Variants in SNTG2 observed in about 807,000 individuals in gnomAD.
SNTG2 encodes syntrophin gamma 2, also known as gamma-2-syntrophin.
In SNTG2, 74 loss-of-function variants were observed where a neutral mutation model predicts 70.9. The observed-to-expected ratio is 1.04, with a 90% CI of 0.86 to 1.27. The LOEUF (loss-of-function observed/expected upper bound fraction) is 1.27. Among genes scored for constraint, SNTG2 ranks in the 50% most tolerant of loss-of-function variants. The pLI, the probability that SNTG2 is intolerant of heterozygous loss-of-function variation, is 0.00. For synonymous variants in SNTG2, 278 were observed against 273.8 expected, an observed-to-expected ratio of 1.02 and a Z score of -0.15; for missense variants, 717 against 690.7, an observed-to-expected ratio of 1.04 and a Z score of -0.43.
At chr2:1,092,480 G>T (rs867645565) in intron 2 of SNTG2, among the ~76,000 whole-genome samples, 1 of 152,198 alleles carries the variant, frequency 6.6e-6, no homozygotes, top group Non-Finnish European at 1.5e-5. Context: ...CCTGGCTGGT[G>T]GCCATGGTAC....
intron 9 of SNTG2, among the ~76,000 whole-genome samples, chr2:1,229,957 C>G (rs563456536): frequency 1.3e-5 from 2 of 152,212 alleles, no homozygotes; most frequent in South Asian, 2.1e-4. Context: ...ACGCAGCCCC[C>G]GTTCCCGCTC....
Position 1,293,565 on chromosome 2 carries a change from G to A in SNTG2, c.1285-14929G>A, listed in dbSNP as rs115310786. Reference sequence around the variant, plus strand: ...TCTGGTGTGTTGTGTTTTTTATTTAGGTTATTTTCTAGCTTCCCTTGTGAT... The same window carrying A: ...TCTGGTGTGTTGTGTTTTTTATTTAAGTTATTTTCTAGCTTCCCTTGTGAT... On this transcript the variant is annotated intron_variant, in intron 14 of 16. Transcript: ENST00000308624. Among the ~76,000 whole-genome samples, 681 of 151,808 alleles carry A rather than the reference G, an allele frequency of 4.5e-3. 6 individuals carry two copies. The highest frequency in any genetic ancestry group is 0.015 in the African/African-American group (639 of 41,414).
At position 1,116,948 on chromosome 2, in the gene SNTG2, G is replaced by A. The variant is rs1307891106; in HGVS notation, c.325+18538G>A. On this transcript the variant is annotated intron_variant, in intron 4 of 16. Coordinates refer to ENST00000308624, the MANE Select transcript of SNTG2 (RefSeq NM_018968.4). Reference sequence around the variant, plus strand: ...TGCCCTGGCGTGTGGGTGCCCTGGCGTGTGGGTGCCTGGCGTGTGGGTGCT... The same window carrying A: ...TGCCCTGGCGTGTGGGTGCCCTGGCATGTGGGTGCCTGGCGTGTGGGTGCT... Among the ~76,000 whole-genome samples, 19 of 130,262 alleles carry A rather than the reference G, an allele frequency of 1.5e-4. 1 individual carries two copies. The highest frequency in any genetic ancestry group is 2.6e-4 in the South Asian group (1 of 3,780). The allele number at this position is 130,262 out of a possible 152,430, so 85.5% of individuals were successfully genotyped here.
intron 8 of SNTG2, among the ~76,000 whole-genome samples, chr2:1,193,589 C>T (rs944048675): frequency 2.0e-5 from 3 of 148,576 alleles, no homozygotes; most frequent in Non-Finnish European, 3.0e-5. Flanking sequence ...AATATATCTC[C>T]CCTGAATAAA....
intron 1 of SNTG2, among the ~76,000 whole-genome samples, chr2:1,026,775 T>G (rs912583218): frequency 3.3e-5 from 5 of 152,144 alleles, no homozygotes; most frequent in Admixed American, 6.5e-5. Context: ...TGCCATCCTC[T>G]CTCACTGGGT....
At chr2:974,981 A>G (rs762073653) in intron 1 of SNTG2, among the ~76,000 whole-genome samples, 6 of 152,182 alleles carry the variant, frequency 3.9e-5, no homozygotes, top group Non-Finnish European at 5.9e-5. Context: ...ACATTAGGTC[A>G]TTTGAAACAG....
chr2:1,012,702 G>A (rs1249827594), intron 1 of SNTG2, among the ~76,000 whole-genome samples: 2 of 116,452 alleles, frequency 1.7e-5, no homozygotes, highest in African/African-American at 2.9e-5. Context: ...ATTTATATGG[G>A]CAGAGAGAAG....
chr2:1,062,388 G>T (rs1040670097), intron 1 of SNTG2, among the ~76,000 whole-genome samples: 1 of 152,162 alleles, frequency 6.6e-6, no homozygotes, highest in East Asian at 1.9e-4. Context: ...GGAATGAAGT[G>T]GGGGCTATAT....
intron 1 of SNTG2, among the ~76,000 whole-genome samples, chr2:1,075,793 T>C (rs1291138957): frequency 1.3e-5 from 2 of 152,254 alleles, no homozygotes; most frequent in African/African-American, 2.4e-5. Flanking sequence ...TCATTTGTAC[T>C]AACATGAAAA....
intron 1 of SNTG2, among the ~76,000 whole-genome samples, chr2:1,030,005 A>T (rs1445729867): frequency 1.3e-5 from 2 of 152,216 alleles, no homozygotes; most frequent in East Asian, 3.9e-4. Context: ...CTCGGCAGCC[A>T]TTCCCTTTCC....
chr2:1,165,700 C>A, intron 7 of SNTG2, 65 bp downstream of exon 7: 2 of 1,316,880 alleles, frequency 1.5e-6, no homozygotes, highest in South Asian at 1.3e-5. Flanking sequence ...ATTATTTATC[C>A]AAATGCTACC....
chr2:1,230,156 C>G (rs753265183), intron 9 of SNTG2, among the ~76,000 whole-genome samples: 1 of 152,232 alleles, frequency 6.6e-6, no homozygotes, highest in Non-Finnish European at 1.5e-5. Flanking sequence ...GCTGTCACCT[C>G]TCACTACCAG....
chr2:1,173,460 C>G (rs1671262683), intron 8 of SNTG2, among the ~76,000 whole-genome samples: 1 of 152,220 alleles, frequency 6.6e-6, no homozygotes, highest in Non-Finnish European at 1.5e-5. Flanking sequence ...CTCTGACTTA[C>G]ATATCACCGT....
intron 8 of SNTG2, among the ~76,000 whole-genome samples, chr2:1,189,942 C>T (rs1672477586): frequency 6.6e-6 from 1 of 152,066 alleles, no homozygotes; most frequent in South Asian, 2.1e-4. Context: ...ATACATTTCA[C>T]ATGGTTTAAC....
Position 1,366,293 on chromosome 2 carries a change from G to A in SNTG2, c.1489-1050G>A, listed in dbSNP as rs546844376. Among the ~76,000 whole-genome samples the A allele has an allele frequency of 4.0e-3, 611 of 152,222 alleles. 4 individuals are homozygous for A. Among genetic ancestry groups the A allele is most frequent in the African/African-American group, 0.014 (581 of 41,530 alleles). ...ACCAATAGAATGGGGGTGGCAGGAC[G>A]GCAAGATTCGTATTTTACCATCAAA... On this transcript the variant is annotated intron_variant, in intron 16 of 16. Coordinates refer to ENST00000308624, the MANE Select transcript of SNTG2 (RefSeq NM_018968.4).
intron 4 of SNTG2, among the ~76,000 whole-genome samples, chr2:1,119,552 G>A (rs563777120): frequency 3.6e-5 from 5 of 140,498 alleles, no homozygotes; most frequent in South Asian, 2.2e-4. Flanking sequence ...TTAAAGGCTC[G>A]TTTTTTTTTT....
At chr2:1,187,227 T>G (rs1672304186) in intron 8 of SNTG2, among the ~76,000 whole-genome samples, 1 of 152,214 alleles carries the variant, frequency 6.6e-6, no homozygotes, top group African/African-American at 2.4e-5. Context: ...ATTGGTTAAT[T>G]TTATGTGTCC....
chr2:1,043,792 A>G (rs1229134710), intron 1 of SNTG2, among the ~76,000 whole-genome samples: 1 of 152,192 alleles, frequency 6.6e-6, no homozygotes, highest in Non-Finnish European at 1.5e-5. Context: ...TTGTAACAGT[A>G]CTATGCTATT....
intron 1 of SNTG2, among the ~76,000 whole-genome samples, chr2:1,035,610 A>G (rs11901144): frequency 0.037 from 5,681 of 152,180 alleles, 127 homozygotes; most frequent in South Asian, 0.061. Context: ...GTTGGTTGCT[A>G]TATCTTCTTG....
Sources: allele counts gnomAD v4.1 joint callset (sites outside exome capture counted in the v4.1 genomes callset), GRCh38; gene constraint gnomAD v4.1.1; transcripts MANE v1.5; gene names NCBI Gene and HGNC (gene_info 2026-07-23, HGNC 2026-07-21).